Variants in BCAR3 observed in about 807,000 individuals in gnomAD.
BCAR3 encodes breast cancer anti-estrogen resistance protein 3.
Under a neutral mutation model 80.1 loss-of-function variants are expected in BCAR3, and 37 were observed. The ratio of observed to expected loss-of-function variants is 0.46; its 90% CI spans 0.36 to 0.61. The LOEUF is 0.61. Among genes scored for constraint, BCAR3 ranks in the 20% least tolerant of loss-of-function variants. The probability of loss-of-function intolerance (pLI) is 0.00; values close to 1 mark genes in which losing one functional copy is unlikely to be tolerated. For missense variants in BCAR3, 978 were observed against 1,068.2 expected (o/e 0.92, Z 1.18); for synonymous variants, 389 against 418.9 (o/e 0.93, Z 0.87).
chr1:93,817,637 A>G (rs1255035732), intron 2 of BCAR3, among the ~76,000 whole-genome samples: 1 of 152,030 alleles, frequency 6.6e-6, no homozygotes, highest in Non-Finnish European at 1.5e-5. Context: ...TCTCCATGTC[A>G]TCTCTGGCAG....
intron 2 of BCAR3, among the ~76,000 whole-genome samples, chr1:93,735,342 CA>C (rs1454993826): frequency 6.6e-6 from 1 of 152,188 alleles, no homozygotes; most frequent in East Asian, 1.9e-4. Flanking sequence ...TCTGACTGTC[CA>C]GATAAGGACC....
chr1:93,822,480 C>A (rs1461328281), intron 2 of BCAR3, among the ~76,000 whole-genome samples: 2 of 152,096 alleles, frequency 1.3e-5, no homozygotes, highest in Non-Finnish European at 2.9e-5. Flanking sequence ...GCTGGGATTA[C>A]AGGGGTCTGC....
intron 2 of BCAR3, among the ~76,000 whole-genome samples, chr1:93,668,733 C>T (rs1571026481): frequency 2.1e-5 from 3 of 142,564 alleles, no homozygotes; most frequent in African/African-American, 2.6e-5. Context: ...TTTTCTAAGA[C>T]GGAGTTCTAC....
At chr1:93,808,151 A>T (rs1373490073) in intron 2 of BCAR3, among the ~76,000 whole-genome samples, 2 of 151,970 alleles carry the variant, frequency 1.3e-5, no homozygotes, top group Non-Finnish European at 2.9e-5. Flanking sequence ...GATCAGAGAG[A>T]GACCTTAAGT....
intron 2 of BCAR3, among the ~76,000 whole-genome samples, chr1:93,727,586 C>A (rs1464415595): frequency 1.3e-5 from 2 of 152,160 alleles, no homozygotes; most frequent in African/African-American, 2.4e-5. Flanking sequence ...AGGCAGGTAC[C>A]TTTTAATCCA....
intron 3 of BCAR3, among the ~76,000 whole-genome samples, chr1:93,593,255 A>G (rs1674283643): frequency 6.6e-6 from 1 of 152,222 alleles, no homozygotes; most frequent in African/African-American, 2.4e-5. Context: ...CATGAACAGA[A>G]AAAGGCTGTG....
intron 2 of BCAR3, among the ~76,000 whole-genome samples, chr1:93,752,695 T>G (rs6698242): frequency 0.018 from 2,807 of 152,278 alleles, 81 homozygotes; most frequent in African/African-American, 0.064. Context: ...TCTGTGACAT[T>G]TGTGAGTGTT....
chr1:93,612,130 C>A (rs1674968639), intron 3 of BCAR3, among the ~76,000 whole-genome samples: 1 of 152,290 alleles, frequency 6.6e-6, no homozygotes, highest in Non-Finnish European at 1.5e-5. Context: ...AAGCAGATTT[C>A]TTTCCCAAGT....
At chr1:93,798,271 T>C (rs1190628628) in intron 2 of BCAR3, among the ~76,000 whole-genome samples, 1 of 152,282 alleles carries the variant, frequency 6.6e-6, no homozygotes, top group African/African-American at 2.4e-5. Flanking sequence ...TTTTCCGCTT[T>C]GGAGCCTTTT....
intron 2 of BCAR3, among the ~76,000 whole-genome samples, chr1:93,659,341 T>A (rs1211426354): frequency 1.3e-5 from 2 of 152,124 alleles, no homozygotes; most frequent in Non-Finnish European, 2.9e-5. Flanking sequence ...CATGCCACCA[T>A]GCCTGGCTAA....
At chr1:93,807,489 T>A (rs1332832494) in intron 2 of BCAR3, among the ~76,000 whole-genome samples, 2 of 152,172 alleles carry the variant, frequency 1.3e-5, no homozygotes, top group Admixed American at 1.3e-4. Context: ...AAAGTTCCTT[T>A]GAGCTCTGCG....
intron 2 of BCAR3, among the ~76,000 whole-genome samples, chr1:93,788,615 T>C (rs1025400772): frequency 3.9e-5 from 6 of 152,182 alleles, no homozygotes; most frequent in African/African-American, 1.4e-4. Context: ...AATTATTTTG[T>C]TTAAGGAGGC....
chr1:93,724,032 C>T (rs780606925), intron 2 of BCAR3, among the ~76,000 whole-genome samples: 9 of 152,234 alleles, frequency 5.9e-5, no homozygotes, highest in Admixed American at 3.9e-4. Context: ...TGAACTGATC[C>T]TCTGTCCAGG....
At chr1:93,638,057 G>T (rs986957653) in intron 3 of BCAR3, among the ~76,000 whole-genome samples, 1 of 152,188 alleles carries the variant, frequency 6.6e-6, no homozygotes, top group Non-Finnish European at 1.5e-5. Context: ...AGACCATCCT[G>T]GCTAATACGG....
chr1:93,626,941 C>T (rs1675472229), intron 3 of BCAR3, among the ~76,000 whole-genome samples: 1 of 152,186 alleles, frequency 6.6e-6, no homozygotes, highest in Non-Finnish European at 1.5e-5. Context: ...CTTGGTTATT[C>T]AGACTCGGGT....
rs775304793 is a variant in BCAR3 at position 93,674,809 on chromosome 1, G to C, written c.122C>G (p.Ala41Gly). ...GCCATGTATAGACACATCTTGATAG[G>C]CATCTGGGCGATGCTCAGCGAGAGG... Reference protein sequence around the residue: ...RSPLAEHRPDAYQDVSIHGTL... With the variant: ...RSPLAEHRPDGYQDVSIHGTL... The change falls in exon 2 of 12, where the codon GCC becomes GGC. Residue 41 changes from alanine to glycine, a missense_variant. By Grantham distance (60) the Ala-to-Gly change is moderately conservative. Transcript: ENST00000260502. 5 of 1,607,628 alleles carry C rather than the reference G, an allele frequency of 3.1e-6. No homozygotes were observed. The highest frequency in any genetic ancestry group is 1.7e-4 in the Middle Eastern group (1 of 6,028).
intron 2 of BCAR3, among the ~76,000 whole-genome samples, chr1:93,800,543 T>A (rs951113508): frequency 6.6e-6 from 1 of 151,944 alleles, no homozygotes; most frequent in African/African-American, 2.4e-5. Context: ...GCCACTGCAC[T>A]CCAGCCTGGG....
At chr1:93,570,707 G>T (rs911194875) in intron 9 of BCAR3, among the ~76,000 whole-genome samples, 1 of 152,222 alleles carries the variant, frequency 6.6e-6, no homozygotes. Context: ...CTCTGCAAAT[G>T]TCTCATTTCC....
intron 3 of BCAR3, among the ~76,000 whole-genome samples, chr1:93,617,911 G>T (rs570499296): frequency 6.6e-6 from 1 of 152,194 alleles, no homozygotes; most frequent in African/African-American, 2.4e-5. Flanking sequence ...AAGTTGATCC[G>T]CAGCCTTGCT....
Sources: allele counts gnomAD v4.1 joint callset (sites outside exome capture counted in the v4.1 genomes callset), GRCh38; gene constraint gnomAD v4.1.1; transcripts MANE v1.5; gene names NCBI Gene and HGNC (gene_info 2026-07-23, HGNC 2026-07-21).